The following P3H2 variants were observed in gnomAD, a reference collection of about 807,000 sequenced individuals.
P3H2 encodes the protein prolyl 3-hydroxylase 2.
A neutral mutation model predicts 87.0 loss-of-function variants in P3H2; 80 were observed. The observed-to-expected ratio is 0.92, with a 90% CI of 0.77 to 1.11. P3H2 has a LOEUF of 1.11. Ranked by LOEUF, P3H2 falls within the 50% of genes least tolerant of loss-of-function variation. The pLI, the probability that P3H2 is intolerant of heterozygous loss-of-function variation, is 0.00. For synonymous variants in P3H2, 367 were observed against 359.3 expected, an observed-to-expected ratio of 1.02 and a Z score of -0.24; for missense variants, 1,001 against 923.9, an observed-to-expected ratio of 1.08 and a Z score of -1.08.
intron 1 of P3H2, among the ~76,000 whole-genome samples, chr3:190,113,188 G>A (rs1712141095): frequency 6.6e-6 from 1 of 152,216 alleles, no homozygotes; most frequent in Non-Finnish European, 1.5e-5. Flanking sequence ...AGGCTGGAAA[G>A]AGTAGGAGAC....
intron 3 of P3H2, among the ~76,000 whole-genome samples, chr3:189,992,705 G>A (rs1352969716): frequency 7.2e-5 from 11 of 152,118 alleles, no homozygotes; most frequent in Non-Finnish European, 1.2e-4. Context: ...AAAAGGGAGA[G>A]GAGAGTAAGT....
intron 1 of P3H2, among the ~76,000 whole-genome samples, chr3:190,078,842 C>T (rs138155144): frequency 1.5e-3 from 228 of 152,190 alleles, no homozygotes; most frequent in African/African-American, 5.2e-3. Context: ...CAAAGAAATC[C>T]GTGTGGATGC....
chr3:189,962,653 G>T (rs1722852856), intron 14 of P3H2, among the ~76,000 whole-genome samples: 1 of 152,094 alleles, frequency 6.6e-6, no homozygotes, highest in Non-Finnish European at 1.5e-5. Flanking sequence ...TCTACCCCTA[G>T]GGCCTATCTA....
At chr3:190,087,697 T>A (rs546156858) in intron 1 of P3H2, among the ~76,000 whole-genome samples, 3 of 152,302 alleles carry the variant, frequency 2.0e-5, no homozygotes, top group East Asian at 1.9e-4. Context: ...TCCATAATGA[T>A]CCCAATTTTT....
chr3:189,961,388 T>A (rs978529784), intron 14 of P3H2, among the ~76,000 whole-genome samples: 8 of 152,200 alleles, frequency 5.3e-5, no homozygotes, highest in African/African-American at 1.9e-4. Flanking sequence ...TCGAACATCC[T>A]TGCATCCTTA....
intron 14 of P3H2, among the ~76,000 whole-genome samples, chr3:189,959,414 C>T (rs1719584): frequency 8.6e-5 from 9 of 104,602 alleles, no homozygotes; most frequent in Non-Finnish European, 1.6e-4. Flanking sequence ...CCTCCCCCCA[C>T]CCCACAACAG....
At chr3:190,103,652 A>G (rs1246154553) in intron 1 of P3H2, among the ~76,000 whole-genome samples, 1 of 152,192 alleles carries the variant, frequency 6.6e-6, no homozygotes, top group African/African-American at 2.4e-5. Flanking sequence ...GGACTTTTCC[A>G]TACTTCTAAA....
chr3:190,086,522 G>A (rs894036651), intron 1 of P3H2, among the ~76,000 whole-genome samples: 3 of 152,220 alleles, frequency 2.0e-5, no homozygotes, highest in Non-Finnish European at 4.4e-5. Context: ...TTGTGCAGAA[G>A]AAGCCTCAGA....
At chr3:190,049,031 G>A (rs779381045) in intron 1 of P3H2, among the ~76,000 whole-genome samples, 2 of 152,164 alleles carry the variant, frequency 1.3e-5, no homozygotes, top group African/African-American at 2.4e-5. Context: ...CACAGAAGAC[G>A]TGAGTAAGGG....
chr3:189,973,785 A>G, intron 10 of P3H2, 124 bp downstream of exon 10: 1 of 785,966 alleles, frequency 1.3e-6, no homozygotes, highest in South Asian at 1.3e-5. Context: ...CAGCCTCCCA[A>G]AGTGCTGGGA....
At chr3:190,107,760 T>G (rs1272309361) in intron 1 of P3H2, among the ~76,000 whole-genome samples, 1 of 152,212 alleles carries the variant, frequency 6.6e-6, no homozygotes, top group African/African-American at 2.4e-5. Context: ...CTAAAAGGCA[T>G]TGTTTCATAT....
chr3:190,029,577 AATTAAAT>A (rs1460453789), intron 1 of P3H2, among the ~76,000 whole-genome samples: 6 of 152,188 alleles, frequency 3.9e-5, no homozygotes, highest in African/African-American at 1.4e-4. Context: ...CATGCTTAAT[AATTAAAT>A]ATTAAAGCAA....
intron 1 of P3H2, among the ~76,000 whole-genome samples, chr3:190,029,299 A>G (rs1276315440): frequency 6.6e-6 from 1 of 152,232 alleles, no homozygotes; most frequent in African/African-American, 2.4e-5. Context: ...TGGTAATTAC[A>G]AAGAAGATTT....
intron 1 of P3H2, among the ~76,000 whole-genome samples, chr3:190,038,123 T>C (rs1484423508): frequency 1.3e-5 from 2 of 151,978 alleles, no homozygotes; most frequent in Non-Finnish European, 2.9e-5. Context: ...CCATTCATAC[T>C]GTTTCACAAA....
intron 1 of P3H2, among the ~76,000 whole-genome samples, chr3:190,048,555 T>C (rs1725878075): frequency 6.6e-6 from 1 of 152,184 alleles, no homozygotes; most frequent in African/African-American, 2.4e-5. Context: ...TAGATGATTT[T>C]TGTACCTGGT....
rs1722646977 is a variant in P3H2, at chr3:189,956,899, C to T, written c.*1013G>A. On this transcript the variant is annotated 3_prime_UTR_variant, in exon 15 of 15. Transcript: ENST00000319332. ...CACCTCTTTTCATCAGTGGACCCCA[C>T]TCCTAGGCAACCTGGCCATGGTGCC... The T allele has an allele frequency of 5.1e-6, 2 of 391,622 alleles. No individual in the cohort carries two copies. Among genetic ancestry groups the T allele is most frequent in the African/African-American group, 4.1e-5 (2 of 48,496 alleles). 24.3% of individuals were successfully genotyped at this position (391,622 alleles called of 1,614,324 possible).
intron 1 of P3H2, among the ~76,000 whole-genome samples, chr3:190,095,073 A>G (rs1727526769): frequency 1.3e-5 from 2 of 152,092 alleles, no homozygotes; most frequent in African/African-American, 2.4e-5. Context: ...CTTTATTCTT[A>G]GGTTTTGACA....
intron 13 of P3H2, among the ~76,000 whole-genome samples, chr3:189,966,717 C>T (rs1036552929): frequency 1.3e-5 from 2 of 152,216 alleles, no homozygotes; most frequent in Non-Finnish European, 2.9e-5. Flanking sequence ...ATTTTATCTT[C>T]TTTGAACCTG....
chr3:190,045,996 G>A (rs534569058), intron 1 of P3H2, among the ~76,000 whole-genome samples: 89 of 152,162 alleles, frequency 5.8e-4, no homozygotes, highest in African/African-American at 1.7e-3. Flanking sequence ...GGTGGCGGGC[G>A]CCTGTGGTCC....
Sources: gnomAD v4.1 joint callset for allele counts (sites outside exome capture counted in the v4.1 genomes callset) on GRCh38, gnomAD v4.1.1 for gene constraint, MANE v1.5 for transcripts, NCBI Gene and HGNC (gene_info 2026-07-23, HGNC 2026-07-21) for gene names.